The following TRMU variants were observed in gnomAD, a reference collection of about 807,000 sequenced individuals.
TRMU encodes tRNA mitochondrial 2-thiouridylase.
A neutral mutation model predicts 46.9 loss-of-function variants in TRMU; 49 were observed. The observed-to-expected ratio is 1.05, with a 90% CI of 0.83 to 1.33. The LOEUF is 1.33. Ranked by LOEUF, TRMU falls within the 40% of genes most tolerant of loss-of-function variation. The pLI is 0.00. For missense variants in TRMU, 572 were observed against 532.4 expected (o/e 1.07, Z -0.73); for synonymous variants, 241 against 200.9 (o/e 1.20, Z -1.69).
rs1253793733 is a variant in TRMU, at chr22:46,336,207, A to G, written c.82+361A>G. On this transcript the variant is annotated intron_variant, in intron 1 of 10. Transcript: ENST00000645190. This position sits in a 1 kb window ranked among gnomAD's most constrained non-coding sequence, Gnocchi z 4.1. ...TGAGACCGTGGACACTGGTGAGGGG[A>G]GCTGGGATCGCCGGGCCGGGGGCCT... 1 of 1,088,430 alleles carries G rather than the reference A, an allele frequency of 9.2e-7. No individual in the cohort carries two copies. Among genetic ancestry groups the G allele is most frequent in the Non-Finnish European group, 1.1e-6 (1 of 880,150 alleles). 67.4% of individuals were successfully genotyped at this position (1,088,430 alleles called of 1,614,324 possible).
intron 7 of TRMU, 36 bp downstream of exon 7, chr22:46,352,366 G>T (rs1160676129): frequency 1.2e-6 from 2 of 1,610,664 alleles, no homozygotes; most frequent in South Asian, 2.2e-5. Flanking sequence ...CATCTGAAAT[G>T]CCTAGAGCTG....
At chr22:46,337,423 T>C (rs558351795) in intron 1 of TRMU, among the ~76,000 whole-genome samples, 9 of 152,380 alleles carry the variant, frequency 5.9e-5, no homozygotes, top group Non-Finnish European at 1.3e-4. Context: ...AAATAACTTT[T>C]GAAAAGAGTT....
At chr22:46,353,982 C>CT in intron 8 of TRMU, 115 bp downstream of exon 8, 2 of 925,316 alleles carry the variant, frequency 2.2e-6, no homozygotes, top group Non-Finnish European at 3.5e-6. Flanking sequence ...GAGGCTGTGA[C>CT]TAACTCTGTT....
rs1409789078 is a variant in TRMU at position 46,347,030 on chromosome 22, C to T, written c.478+486C>T. Among the ~76,000 whole-genome samples the T allele has an allele frequency of 6.6e-6, 1 of 152,244 alleles. No homozygotes were observed. Among genetic ancestry groups the T allele is most frequent in the Non-Finnish European group, 1.5e-5 (1 of 68,052 alleles). On this transcript the variant is annotated intron_variant, in intron 4 of 10. Coordinates refer to ENST00000645190, the MANE Select transcript of TRMU (RefSeq NM_018006.5). The surrounding 1 kb of genome is among the most constrained non-coding windows in gnomAD (Gnocchi z 5.0). ...AGCCGTATTTACACGTTAGTTTATG[C>T]GTGTTAGGGAGCCAAGTTTCACCTT... is the stretch of plus-strand genomic sequence containing the variant.
In TRMU at chr22:46,349,901, C is replaced by T. The variant is rs2078362045; in HGVS notation, c.479-390C>T. ...CTGTGGTTGTTGGAAGAAGGCACAG[C>T]TGACACTATATCAGTGGAATTTTCT... On this transcript the variant is annotated intron_variant, in intron 4 of 10. Transcript: ENST00000645190. The surrounding 1 kb of genome is among the most constrained non-coding windows in gnomAD (Gnocchi z 4.6). Among the ~76,000 whole-genome samples, 1 of 152,112 alleles carries T rather than the reference C, an allele frequency of 6.6e-6. No individual in the cohort carries two copies. The highest frequency in any genetic ancestry group is 6.5e-5 in the Admixed American group (1 of 15,278).
chr22:46,336,040 G>T lies in TRMU; in HGVS notation c.82+194G>T. 1 of 1,413,258 alleles carries T rather than the reference G, an allele frequency of 7.1e-7. No individual in the cohort carries two copies. Among genetic ancestry groups the T allele is most frequent in the Non-Finnish European group, 9.2e-7 (1 of 1,087,256 alleles). 87.5% of individuals were successfully genotyped at this position (1,413,258 alleles called of 1,614,324 possible). A position where few individuals can be genotyped will look rare whatever the true frequency, so the allele number is the denominator to read the frequency against. On this transcript the variant is annotated intron_variant, in intron 1 of 10. Coordinates refer to ENST00000645190, the MANE Select transcript of TRMU (RefSeq NM_018006.5). The surrounding 1 kb of genome is among the most constrained non-coding windows in gnomAD (Gnocchi z 4.1). ...TCCACCTGTGTAGTCGGAGGTGTGC[G>T]CGACTGCAGCTCCGACTACCTGGGA...
At chr22:46,340,597 A>C (rs1210966043) in intron 2 of TRMU, among the ~76,000 whole-genome samples, 6 of 136,278 alleles carry the variant, frequency 4.4e-5, no homozygotes, top group Non-Finnish European at 9.3e-5. Flanking sequence ...TAAACCCCAG[A>C]ATTAGGAGCG....
chr22:46,350,472 G>A lies in TRMU; in HGVS notation c.651+9G>A, dbSNP rs1006261196. ...TGCTTCAGAAGAAAGAGGTACGAGT[G>A]AGCAGTTGCCTTTGATTAGTGCCTG... is the stretch of plus-strand genomic sequence containing the variant. On this transcript the variant is annotated intron_variant, in intron 5 of 10. Transcript: ENST00000645190. This position sits in a 1 kb window ranked among gnomAD's most constrained non-coding sequence, Gnocchi z 4.6. The A allele has an allele frequency of 1.2e-6, 2 of 1,613,008 alleles. No individual in the cohort carries two copies. Among genetic ancestry groups the A allele is most frequent in the Non-Finnish European group, 1.7e-6 (2 of 1,179,986 alleles).
rs1326549639 is a variant in TRMU, at chr22:46,342,686, G to A, written c.249-576G>A. The stretch of plus-strand genomic sequence containing the variant: ...GAAAAGGTTGCAGTGGGCCAGGTGC[G>A]GTGGCTCACGCCTCTAATTCCAGCA... On this transcript the variant is annotated intron_variant, in intron 2 of 10. Coordinates refer to ENST00000645190, the MANE Select transcript of TRMU (RefSeq NM_018006.5). This position sits in a 1 kb window ranked among gnomAD's most constrained non-coding sequence, Gnocchi z 4.7. 6.6e-6 allele frequency among the ~76,000 whole-genome samples: 1 copy of A among 152,186 alleles called. No individual in the cohort carries two copies. The highest frequency in any genetic ancestry group is 6.5e-5 in the Admixed American group (1 of 15,278).
intron 8 of TRMU, chr22:46,354,198 A>C (rs1248747733): frequency 2.9e-6 from 1 of 348,976 alleles, no homozygotes; most frequent in Non-Finnish European, 5.6e-6. Context: ...CCTCAGTGCC[A>C]AGGATGGTGC....
chr22:46,352,100 G>C, intron 5 of TRMU, 21 bp from the exon 6 acceptor site: 1 of 1,612,260 alleles, frequency 6.2e-7, no homozygotes, highest in Non-Finnish European at 8.5e-7. Context: ...TCCTCTCACG[G>C]CTGCCGTCTT....
At chr22:46,354,918 A>G (rs1007429092) in intron 8 of TRMU, 3 of 171,630 alleles carry the variant, frequency 1.7e-5, no homozygotes, top group African/African-American at 7.2e-5. Context: ...GAACCAACCT[A>G]GGGTATCTGG....
chr22:46,348,286 T>G lies in TRMU; in HGVS notation c.478+1742T>G, dbSNP rs1179384059. ...TGCCCTGCAGAGCCATCGACCTTTA[T>G]TATAGGCCACGTGCCCTCGGAAACT... On this transcript the variant is annotated intron_variant, in intron 4 of 10. Transcript: ENST00000645190. The surrounding 1 kb of genome is among the most constrained non-coding windows in gnomAD (Gnocchi z 4.8). Among the ~76,000 whole-genome samples, 2 of 152,206 alleles carry G rather than the reference T, an allele frequency of 1.3e-5. No individual in the cohort carries two copies. Among genetic ancestry groups the G allele is most frequent in the Non-Finnish European group, 2.9e-5 (2 of 68,042 alleles).
At chr22:46,356,216 C>A in intron 10 of TRMU, 144 bp downstream of exon 10, 1 of 836,018 alleles carries the variant, frequency 1.2e-6, no homozygotes, top group Non-Finnish European at 1.9e-6. Context: ...GTGCCACCAG[C>A]CCTGCCCTGG....
At position 46,336,738 on chromosome 22, in the gene TRMU, G is replaced by A. The variant is rs2077989346; in HGVS notation, c.82+892G>A. ...ATAGCTATTATGGTAGGTACAGTAA[G>A]TGCCAAAGAGAAGGGTAGGCGGACC... On this transcript the variant is annotated intron_variant, in intron 1 of 10. Coordinates refer to ENST00000645190, the MANE Select transcript of TRMU (RefSeq NM_018006.5). The surrounding 1 kb of genome is among the most constrained non-coding windows in gnomAD (Gnocchi z 4.1). The A allele has an allele frequency of 6.6e-6, 1 of 152,252 alleles. No individual in the cohort carries two copies. 9.4% of individuals were successfully genotyped at this position (152,252 alleles called of 1,614,324 possible).
chr22:46,356,438 G>A (rs77106698), intron 10 of TRMU: 2 of 425,458 alleles, frequency 4.7e-6, no homozygotes, highest in Non-Finnish European at 8.8e-6. Context: ...TGGGCGCCTG[G>A]TGGGTGTAGG....
At position 46,339,089 on chromosome 22, in the gene TRMU, GA is replaced by G. The variant is rs1214737960; in HGVS notation, c.248+1146del. Among the ~76,000 whole-genome samples the G allele has an allele frequency of 2.6e-5, 4 of 152,168 alleles. No homozygotes were observed. The highest frequency in any genetic ancestry group is 5.9e-5 in the Non-Finnish European group (4 of 68,034). The stretch of plus-strand genomic sequence containing the variant: ...CCTCACAGGGTTATGAAAGAATTGA[GA>G]TTAGGTTCTAGTATGTATGCCTGGT... On this transcript the variant is annotated intron_variant, in intron 2 of 10. Transcript: ENST00000645190. This position sits in a 1 kb window ranked among gnomAD's most constrained non-coding sequence, Gnocchi z 4.8.
At chr22:46,337,701 T>C (rs1343170838) in intron 1 of TRMU, 78 bp from the exon 2 acceptor site, 1 of 1,575,810 alleles carries the variant, frequency 6.3e-7, no homozygotes, top group Non-Finnish European at 8.6e-7. Flanking sequence ...GTGGGGAACT[T>C]CTCAGAGCTC....
Position 46,338,304 on chromosome 22 carries a change from AGGGGATTTCT to A in TRMU, c.248+362_248+371del. ...CTGTGTGCTATGTGGGTCAGCGATT[AGGGGATTTCT>A]GAGAAAGAGGTGATACATGGCCTGT... On this transcript the variant is annotated intron_variant, in intron 2 of 10. Transcript: ENST00000645190. The surrounding 1 kb of genome is among the most constrained non-coding windows in gnomAD (Gnocchi z 4.5). The A allele has an allele frequency of 3.3e-6, 1 of 304,692 alleles. No homozygotes were observed. Among genetic ancestry groups the A allele is most frequent in the Non-Finnish European group, 6.5e-6 (1 of 154,824 alleles). The allele number at this position is 304,692 out of a possible 1,614,324, so 18.9% of individuals were successfully genotyped here. A position where few individuals can be genotyped will look rare whatever the true frequency, so the allele number is the denominator to read the frequency against.
Sources: gnomAD v4.1 joint callset for allele counts (sites outside exome capture counted in the v4.1 genomes callset) on GRCh38, gnomAD v4.1.1 for gene constraint, Gnocchi (gnomAD v3.1) non-coding constraint, MANE v1.5 for transcripts, NCBI Gene and HGNC (gene_info 2026-07-23, HGNC 2026-07-21) for gene names.